PLEKHG3: variants seen among roughly 807,000 people sequenced by gnomAD.
The protein encoded by PLEKHG3 is pleckstrin homology and RhoGEF domain containing G3, also known as pleckstrin homology domain-containing family G member 3.
Under a neutral mutation model 94.9 loss-of-function variants are expected in PLEKHG3, and 62 were observed. The observed-to-expected ratio is 0.65, with a 90% CI of 0.53 to 0.81. The LOEUF (loss-of-function observed/expected upper bound fraction) is 0.81, where lower values mean the gene tolerates loss of function less well. PLEKHG3 is among the 30% of genes least tolerant of loss of function. The pLI is 0.00. For missense variants in PLEKHG3, 1,461 were observed against 1,619.3 expected (o/e 0.90, Z 1.68); for synonymous variants, 614 against 654.0 (o/e 0.94, Z 0.93).
At position 64,743,412 on chromosome 14, in the gene PLEKHG3, G is replaced by C; in HGVS notation, c.3369G>C (p.Lys1123Asn). The change falls in exon 17 of 17, where the codon AAG becomes AAC. Residue 1123 changes from lysine to asparagine, a missense_variant. Physicochemically the swap from Lys to Asn is moderately conservative, Grantham distance 94 (BLOSUM62 0). This residue lies in a region of PLEKHG3 where 1,201 missense variants were observed against 1,295.5 expected (regional missense o/e 0.93). Coordinates refer to ENST00000247226, the MANE Select transcript of PLEKHG3 (RefSeq NM_001308147.2). The surrounding 1 kb of genome is among the most constrained non-coding windows in gnomAD (Gnocchi z 7.2). ...AQSPGPLPQS[K>N]PDGGETLYVT... ...CCCCTGGGCCTCTGCCCCAGAGCAA[G>C]CCGGATGGAGGCGAGACCCTGTATG... The C allele has an allele frequency of 6.2e-7, 1 of 1,611,052 alleles. No homozygotes were observed. Among genetic ancestry groups the C allele is most frequent in the Non-Finnish European group, 8.5e-7 (1 of 1,178,508 alleles).
Position 64,745,318 on chromosome 14 carries a change from G to A in PLEKHG3, c.*1615G>A, listed in dbSNP as rs761642846. On this transcript the variant is annotated 3_prime_UTR_variant, in exon 17 of 17. Coordinates refer to ENST00000247226, the MANE Select transcript of PLEKHG3 (RefSeq NM_001308147.2). The surrounding 1 kb of genome is among the most constrained non-coding windows in gnomAD (Gnocchi z 5.0). ...TTCTAGCTGGGGCCTGGGAGGTAGA[G>A]GCTTCAGGGCCTGGGTGGTAGAGCT... is the stretch of plus-strand genomic sequence containing the variant. 4 of 152,200 alleles carry A rather than the reference G, an allele frequency of 2.6e-5. No individual in the cohort carries two copies. Among genetic ancestry groups the A allele is most frequent in the Admixed American group, 6.5e-5 (1 of 15,278 alleles). The allele number at this position is 152,200 out of a possible 1,614,324, so 9.4% of individuals were successfully genotyped here. A position where few individuals can be genotyped will look rare whatever the true frequency, so the allele number is the denominator to read the frequency against.
intron 15 of PLEKHG3, among the ~76,000 whole-genome samples, chr14:64,740,174 A>G (rs8006034): frequency 0.091 from 13,856 of 152,250 alleles, 686 homozygotes; most frequent in East Asian, 0.2. Context: ...GTGCTCAGAA[A>G]GCCACAGTGG....
In PLEKHG3 at chr14:64,732,670, A is replaced by T. The variant is rs950957556; in HGVS notation, c.1247-133A>T. The T allele has an allele frequency of 1.3e-6, 1 of 756,250 alleles. No homozygotes were observed. The highest frequency in any genetic ancestry group is 2.4e-4 in the Middle Eastern group (1 of 4,250). 46.8% of individuals were successfully genotyped at this position (756,250 alleles called of 1,614,324 possible). A position where few individuals can be genotyped will look rare whatever the true frequency, so the allele number is the denominator to read the frequency against. ...AGTGCCTGAAGCTCCCAGCTGGAAG[A>T]TGGAGGGAGCTCTGGAGGCTCCTGG... is the stretch of plus-strand genomic sequence containing the variant. On this transcript the variant is annotated intron_variant, in intron 11 of 16. Transcript: ENST00000247226. The surrounding 1 kb of genome is among the most constrained non-coding windows in gnomAD (Gnocchi z 4.9).
At position 64,749,593 on chromosome 14, in the gene PLEKHG3, G is replaced by C; in HGVS notation, c.*5890G>C. 1 of 1,609,788 alleles carries C rather than the reference G, an allele frequency of 6.2e-7. No homozygotes were observed. Among genetic ancestry groups the C allele is most frequent in the East Asian group, 2.2e-5 (1 of 44,868 alleles). On this transcript the variant is annotated 3_prime_UTR_variant, in exon 17 of 17. Transcript: ENST00000247226. This position sits in a 1 kb window ranked among gnomAD's most constrained non-coding sequence, Gnocchi z 4.7. ...TCTGAGGGGGCCTCCAGGGCAAGCGGCCTGGGGTCCTCCACCTACCCCCTT... is the reference window on the plus strand; with the variant it reads ...TCTGAGGGGGCCTCCAGGGCAAGCGCCCTGGGGTCCTCCACCTACCCCCTT...
At position 64,742,224 on chromosome 14, in the gene PLEKHG3, C is replaced by CCCCCGCATCG; in HGVS notation, c.2707_2708insCCCCGCATCG (p.Leu903ProfsTer58). On this transcript the variant is annotated frameshift_variant, in exon 16 of 17. Coordinates refer to ENST00000247226, the MANE Select transcript of PLEKHG3 (RefSeq NM_001308147.2). LOFTEE classifies it high-confidence loss of function. ...TACCCAGGGGGAGCTGGTGGCCCCA[C>CCCCCGCATCG]TGCACCCCCGCATCGTGCAGCTCTC... 6.2e-7 allele frequency: 1 copy of CCCCCGCATCG among 1,613,014 alleles called. No individual in the cohort carries two copies. The highest frequency in any genetic ancestry group is 8.5e-7 in the Non-Finnish European group (1 of 1,179,944).
rs767234154 is a variant in PLEKHG3, at chr14:64,730,827, C to T, written c.595C>T (p.Arg199Trp). ...CGTGGCCGCCCTGACGGAATGCATG[C>T]GGGACAAGCAGCAGGCCAAGTTCTT... ...NSVAALTECMRDKQQAKFFRD... is the reference protein window; with the variant it reads ...NSVAALTECMWDKQQAKFFRD... Residue 199 changes from arginine (R) to tryptophan (W), a missense_variant, in exon 6 of 17, where the codon CGG (arginine) becomes TGG (tryptophan). Around this residue, in one of 3 missense-constraint regions of PLEKHG3, gnomAD observed 253 missense variants for 297.8 expected, o/e 0.85. Transcript: ENST00000247226. This position sits in a 1 kb window ranked among gnomAD's most constrained non-coding sequence, Gnocchi z 5.4. The T allele has an allele frequency of 1.4e-5, 22 of 1,613,362 alleles. No homozygotes were observed. The highest frequency in any genetic ancestry group is 1.6e-4 in the Middle Eastern group (1 of 6,062).
At position 64,732,833 on chromosome 14, in the gene PLEKHG3, G is replaced by A. The variant is rs768428970; in HGVS notation, c.1277G>A (p.Arg426Gln). Residue 426 changes from arginine (R) to glutamine (Q), a missense_variant, in exon 12 of 17, where the codon CGG becomes CAG. Arg to Gln is a conservative substitution (Grantham distance 43, BLOSUM62 1). Coordinates refer to ENST00000247226, the MANE Select transcript of PLEKHG3 (RefSeq NM_001308147.2). The surrounding 1 kb of genome is among the most constrained non-coding windows in gnomAD (Gnocchi z 4.9). ...YPNRYRCSPE[R>Q]LKKAWSSQDE... ...AATCGGTACCGCTGCAGCCCAGAGC[G>A]GCTGAAGAAGGCTTGGTCCTCCCAG... 8.7e-6 allele frequency: 14 copies of A among 1,610,334 alleles called. No individual in the cohort carries two copies. Among genetic ancestry groups the A allele is most frequent in the Middle Eastern group, 1.6e-4 (1 of 6,078 alleles).
rs2081773499 is a variant in PLEKHG3, at chr14:64,743,834, C to T, written c.*131C>T. On this transcript the variant is annotated 3_prime_UTR_variant, in exon 17 of 17. Coordinates refer to ENST00000247226, the MANE Select transcript of PLEKHG3 (RefSeq NM_001308147.2). The surrounding 1 kb of genome is among the most constrained non-coding windows in gnomAD (Gnocchi z 7.2). ...GTGGGCGGAAAGTCCATCCCCTCCG[C>T]CCTTCAGGAAGGATGCTCCCGTGTG... is the stretch of plus-strand genomic sequence containing the variant. The T allele has an allele frequency of 2.0e-6, 2 of 997,772 alleles. No individual in the cohort carries two copies. Among genetic ancestry groups the T allele is most frequent in the Non-Finnish European group, 2.8e-6 (2 of 704,146 alleles). 61.8% of individuals were successfully genotyped at this position (997,772 alleles called of 1,614,324 possible).
chr14:64,742,053 C>T lies in PLEKHG3; in HGVS notation c.2536C>T (p.Leu846Phe), dbSNP rs2081708558. ...QANGFDLHEP[L>F]FILEEHELGA... ...CAATGGCTTTGACCTGCATGAGCCA[C>T]TCTTCATCCTGGAGGAGCATGAGCT... Residue 846 changes from leucine (L) to phenylalanine (F), a missense_variant, in exon 16 of 17, where the codon CTC becomes TTC. By Grantham distance (22) the Leu-to-Phe change is conservative. Transcript: ENST00000247226. 5 of 1,603,722 alleles carry T rather than the reference C, an allele frequency of 3.1e-6. No homozygotes were observed. In the African/African-American group the frequency reaches 4.0e-5, roughly 13 times the overall value.
rs192371829 is a variant in PLEKHG3, at chr14:64,717,276, C to T, written c.-39-10317C>T. On this transcript the variant is annotated intron_variant, in intron 1 of 16. Transcript: ENST00000247226. The surrounding 1 kb of genome is among the most constrained non-coding windows in gnomAD (Gnocchi z 4.7). ...AGCTCTTCTCTTGCTGTATCACCTT[C>T]GAAGAAGAGGCGAGGCCTGAGGGAG... Among the ~76,000 whole-genome samples, 60 of 152,236 alleles carry T rather than the reference C, an allele frequency of 3.9e-4. No individual in the cohort carries two copies. In the East Asian group the frequency reaches 8.3e-3, roughly 21 times the overall value.
intron 3 of PLEKHG3, among the ~76,000 whole-genome samples, chr14:64,729,990 G>A (rs576086037): frequency 9.8e-5 from 15 of 152,334 alleles, no homozygotes; most frequent in African/African-American, 3.6e-4. Context: ...AGGTGGGTAT[G>A]GGGGTCCCCT....
In PLEKHG3 at chr14:64,738,704, G is replaced by T; in HGVS notation, c.1405-38G>T. 7.2e-7 allele frequency: 1 copy of T among 1,397,056 alleles called. No homozygotes were observed. The allele number at this position is 1,397,056 out of a possible 1,614,324, so 86.5% of individuals were successfully genotyped here. A position where few individuals can be genotyped will look rare whatever the true frequency, so the allele number is the denominator to read the frequency against. On this transcript the variant is annotated intron_variant, in intron 14 of 16. Coordinates refer to ENST00000247226, the MANE Select transcript of PLEKHG3 (RefSeq NM_001308147.2). The surrounding 1 kb of genome is among the most constrained non-coding windows in gnomAD (Gnocchi z 4.8). ...GGGATGCAGAAGGGATCAGCTTCCA[G>T]TTGTCTTGGAGTTGATGACTGACCT... is the stretch of plus-strand genomic sequence containing the variant.
intron 1 of PLEKHG3, among the ~76,000 whole-genome samples, chr14:64,712,608 A>G (rs775169872): frequency 6.6e-6 from 1 of 152,202 alleles, no homozygotes; most frequent in African/African-American, 2.4e-5. Context: ...ATTCCATTTT[A>G]TGATTGCTCA....
rs1311655170 is a variant in PLEKHG3 at position 64,721,290 on chromosome 14, G to C, written c.-39-6303G>C. Among the ~76,000 whole-genome samples, 1 of 152,152 alleles carries C rather than the reference G, an allele frequency of 6.6e-6. No individual in the cohort carries two copies. Among genetic ancestry groups the C allele is most frequent in the African/African-American group, 2.4e-5 (1 of 41,430 alleles). ...CATGGGCACATGTTGGGTAGGTGGG[G>C]ACAGGGGGGTGTAGATGAACAGCCC... On this transcript the variant is annotated intron_variant, in intron 1 of 16. Transcript: ENST00000247226. The surrounding 1 kb of genome is among the most constrained non-coding windows in gnomAD (Gnocchi z 4.3).
chr14:64,719,257 G>T (rs1258867971), intron 1 of PLEKHG3, among the ~76,000 whole-genome samples: 3 of 151,658 alleles, frequency 2.0e-5, no homozygotes, highest in Admixed American at 6.6e-5. Flanking sequence ...TTGAGATGTG[G>T]GTCAAACATG....
In PLEKHG3 at chr14:64,731,680, C is replaced by A. The variant is rs1438017724; in HGVS notation, c.1033-34C>A. On this transcript the variant is annotated intron_variant, in intron 8 of 16. Transcript: ENST00000247226. The surrounding 1 kb of genome is among the most constrained non-coding windows in gnomAD (Gnocchi z 6.1). ...CTCCCTGCTTCCCCAGGCTGTCAAC[C>A]TTGTGCTTGACTGTCCTTTCCCTCT... 6.4e-7 allele frequency: 1 copy of A among 1,569,896 alleles called. No homozygotes were observed. The highest frequency in any genetic ancestry group is 8.8e-7 in the Non-Finnish European group (1 of 1,139,738).
rs1594721870 is a variant in PLEKHG3 at position 64,744,599 on chromosome 14, T to C, written c.*896T>C. 3 of 152,006 alleles carry C rather than the reference T, an allele frequency of 2.0e-5. No homozygotes were observed. Among genetic ancestry groups the C allele is most frequent in the Admixed American group, 2.0e-4 (3 of 15,264 alleles). 9.4% of individuals were successfully genotyped at this position (152,006 alleles called of 1,614,324 possible). On this transcript the variant is annotated 3_prime_UTR_variant, in exon 17 of 17. Transcript: ENST00000247226. ...CAGCAGCCTGCTGTCCTGTCTAGGG[T>C]AGGGGGTCCCGCATGCCAGCCTTTT...
rs985290743 is a variant in PLEKHG3, at chr14:64,750,173, G to A, written c.*6470G>A. The A allele has an allele frequency of 6.2e-7, 1 of 1,608,004 alleles. No homozygotes were observed. Among genetic ancestry groups the A allele is most frequent in the Non-Finnish European group, 8.5e-7 (1 of 1,175,186 alleles). On this transcript the variant is annotated 3_prime_UTR_variant, in exon 17 of 17. Coordinates refer to ENST00000247226, the MANE Select transcript of PLEKHG3 (RefSeq NM_001308147.2). ...CCAGGACCTGCAAAGATGCAGACAG[G>A]CAGGTCACCCACATCCTGATATGGT...
At chr14:64,734,572 A>C (rs769978622) in intron 12 of PLEKHG3, among the ~76,000 whole-genome samples, 3 of 152,236 alleles carry the variant, frequency 2.0e-5, no homozygotes, top group Admixed American at 6.5e-5. Flanking sequence ...TGTCCAAGGC[A>C]CTCAGGAAAT....
Sources: gnomAD v4.1 joint callset for allele counts (sites outside exome capture counted in the v4.1 genomes callset) on GRCh38, gnomAD v4.1.1 for gene constraint, gnomAD v4.1.1 regional missense constraint, Gnocchi (gnomAD v3.1) non-coding constraint, MANE v1.5 for transcripts, NCBI Gene and HGNC (gene_info 2026-07-23, HGNC 2026-07-21) for gene names.